The following AGBL4 variants were observed in gnomAD, a reference collection of about 807,000 sequenced individuals.
AGBL4 encodes cytosolic carboxypeptidase 6.
In AGBL4, 58 loss-of-function variants were observed where a neutral mutation model predicts 66.4. That is an observed-to-expected ratio of 0.87 (90% CI 0.71 to 1.09). The LOEUF (loss-of-function observed/expected upper bound fraction) is 1.09. Among genes scored for constraint, AGBL4 ranks in the 50% least tolerant of loss-of-function variants. AGBL4 has a pLI of 0.00. For missense variants in AGBL4, 579 were observed against 631.0 expected (o/e 0.92, Z 0.88); for synonymous variants, 234 against 222.9 (o/e 1.05, Z -0.44).
At chr1:48,817,558 T>A (rs1646210477) in intron 6 of AGBL4, 1 of 156,280 alleles carries the variant, frequency 6.4e-6, no homozygotes, top group Non-Finnish European at 1.4e-5. Flanking sequence ...TTATTAGTAT[T>A]AATCCTGTGG....
At chr1:49,552,674 T>C (rs1386546645) in intron 3 of AGBL4, among the ~76,000 whole-genome samples, 3 of 152,114 alleles carry the variant, frequency 2.0e-5, no homozygotes, top group Admixed American at 2.0e-4. Flanking sequence ...GGTCCTGGAG[T>C]AGCAGTCCGC....
In AGBL4 at chr1:48,533,534, A is replaced by G. The variant is rs1643922995; in HGVS notation, c.*639T>C. Reference sequence around the variant, plus strand: ...TGTCTTTAGAGCTAAAATTTTAATTAAACTACCGAGGAAATTGGGAAACAG... The same window carrying G: ...TGTCTTTAGAGCTAAAATTTTAATTGAACTACCGAGGAAATTGGGAAACAG... On this transcript the variant is annotated 3_prime_UTR_variant, in exon 14 of 14. Coordinates refer to ENST00000371839, the MANE Select transcript of AGBL4 (RefSeq NM_032785.4). 6.5e-6 allele frequency: 1 copy of G among 152,698 alleles called. No individual in the cohort carries two copies. Among genetic ancestry groups the G allele is most frequent in the South Asian group, 2.1e-4 (1 of 4,844 alleles). The allele number at this position is 152,698 out of a possible 1,614,324, so 9.5% of individuals were successfully genotyped here. A position where few individuals can be genotyped will look rare whatever the true frequency, so the allele number is the denominator to read the frequency against.
chr1:48,545,859 A>G (rs1557775605), intron 11 of AGBL4, among the ~76,000 whole-genome samples: 1 of 152,314 alleles, frequency 6.6e-6, no homozygotes, highest in Admixed American at 6.5e-5. Context: ...TTCAACAGGT[A>G]ATGAAGGTTT....
At chr1:49,985,370 C>T (rs1056971910) in intron 1 of AGBL4, among the ~76,000 whole-genome samples, 1 of 151,842 alleles carries the variant, frequency 6.6e-6, no homozygotes, top group African/African-American at 2.4e-5. Context: ...GAAATAAAGG[C>T]CTGAGAAACA....
chr1:49,560,601 G>A (rs945727008), intron 3 of AGBL4, among the ~76,000 whole-genome samples: 4 of 152,080 alleles, frequency 2.6e-5, no homozygotes, highest in South Asian at 2.1e-4. Flanking sequence ...AGATATCAAC[G>A]TCCAAGTACA....
intron 3 of AGBL4, among the ~76,000 whole-genome samples, chr1:49,456,808 G>T (rs529737302): frequency 6.6e-6 from 1 of 151,706 alleles, no homozygotes; most frequent in Non-Finnish European, 1.5e-5. Context: ...CCAATTATGA[G>T]CGAGAACATA....
intron 6 of AGBL4, among the ~76,000 whole-genome samples, chr1:48,839,860 C>A (rs1021765491): frequency 7.2e-5 from 11 of 152,058 alleles, no homozygotes; most frequent in African/African-American, 2.7e-4. Context: ...CACTTAATTG[C>A]GTGTGTATCA....
chr1:49,365,897 G>A (rs555471907), intron 3 of AGBL4, among the ~76,000 whole-genome samples: 10 of 152,160 alleles, frequency 6.6e-5, no homozygotes, highest in Non-Finnish European at 1.0e-4. Context: ...TTGAATGCCT[G>A]TCTGTGAAAT....
chr1:48,819,132 G>A (rs1646255163), intron 6 of AGBL4, among the ~76,000 whole-genome samples: 1 of 152,198 alleles, frequency 6.6e-6, no homozygotes, highest in Admixed American at 6.5e-5. Flanking sequence ...TGGGTGGTCA[G>A]TGAAGGCTTC....
At chr1:48,693,034 G>T (rs1428817491) in intron 6 of AGBL4, among the ~76,000 whole-genome samples, 1 of 152,188 alleles carries the variant, frequency 6.6e-6, no homozygotes, top group Non-Finnish European at 1.5e-5. Flanking sequence ...AAAGATGCAG[G>T]ATTCAATCCT....
Position 48,905,369 on chromosome 1 carries a change from C to T in AGBL4, c.595-38139G>A, listed in dbSNP as rs977219432. ...GCAACAATGTTTGGTAACAAATGTA[C>T]TGCAATGTCTTCAAAACATAGTCAA... On this transcript the variant is annotated intron_variant, in intron 5 of 13. Coordinates refer to ENST00000371839, the MANE Select transcript of AGBL4 (RefSeq NM_032785.4). Among the ~76,000 whole-genome samples, 8 of 152,136 alleles carry T rather than the reference C, an allele frequency of 5.3e-5. No individual in the cohort carries two copies. In the East Asian group the frequency reaches 1.3e-3, roughly 26 times the overall value.
At chr1:48,950,177 A>T (rs1056015844) in intron 5 of AGBL4, among the ~76,000 whole-genome samples, 3 of 150,516 alleles carry the variant, frequency 2.0e-5, no homozygotes, top group African/African-American at 4.9e-5. Flanking sequence ...GCTCACTGCA[A>T]CCTCCGCCTC....
chr1:49,198,093 G>A (rs993664790), intron 4 of AGBL4, among the ~76,000 whole-genome samples: 1 of 151,964 alleles, frequency 6.6e-6, no homozygotes, highest in Non-Finnish European at 1.5e-5. Flanking sequence ...GGGATTGGGA[G>A]GGTCAAGGTG....
At chr1:48,629,231 G>A (rs1001362962) in intron 9 of AGBL4, among the ~76,000 whole-genome samples, 2 of 152,190 alleles carry the variant, frequency 1.3e-5, no homozygotes, top group Non-Finnish European at 2.9e-5. Context: ...ATAGCTGTGA[G>A]AGGAGGGCCC....
rs544695428 is a variant in AGBL4, at chr1:48,770,014, C to G, written c.634+97177G>C. On this transcript the variant is annotated intron_variant, in intron 6 of 13. Coordinates refer to ENST00000371839, the MANE Select transcript of AGBL4 (RefSeq NM_032785.4). Reference sequence around the variant, plus strand: ...AGTGCAGGGTTCCATCCTAAAATACCCCTGACCTGCTTGCCACCTTTAGTG... The same window carrying G: ...AGTGCAGGGTTCCATCCTAAAATACGCCTGACCTGCTTGCCACCTTTAGTG... 3.9e-5 allele frequency among the ~76,000 whole-genome samples: 6 copies of G among 152,200 alleles called. No homozygotes were observed. The South Asian group carries it at 1.2e-3, about 32-fold the overall frequency.
At chr1:49,823,778 A>G (rs1034559412) in intron 2 of AGBL4, among the ~76,000 whole-genome samples, 5 of 147,476 alleles carry the variant, frequency 3.4e-5, no homozygotes, top group African/African-American at 7.6e-5. Context: ...AGGCTGCATA[A>G]TGTGTGTGTG....
At chr1:49,737,854 C>T (rs563227505) in intron 2 of AGBL4, among the ~76,000 whole-genome samples, 2 of 152,280 alleles carry the variant, frequency 1.3e-5, no homozygotes, top group South Asian at 4.1e-4. Context: ...CTTAGATGGC[C>T]GAATAGGAAT....
At chr1:49,238,547 C>T (rs1194690215) in intron 4 of AGBL4, among the ~76,000 whole-genome samples, 1 of 152,188 alleles carries the variant, frequency 6.6e-6, no homozygotes, top group Non-Finnish European at 1.5e-5. Context: ...AATTCATTAC[C>T]ACCCAGCAGA....
intron 1 of AGBL4, among the ~76,000 whole-genome samples, chr1:49,927,734 C>A (rs1025507651): frequency 6.7e-6 from 1 of 150,046 alleles, no homozygotes; most frequent in African/African-American, 2.4e-5. Context: ...TAGAAAATAG[C>A]GTCAACAGGA....
Sources: gnomAD v4.1 joint callset for allele counts (sites outside exome capture counted in the v4.1 genomes callset) on GRCh38, gnomAD v4.1.1 for gene constraint, MANE v1.5 for transcripts, NCBI Gene and HGNC (gene_info 2026-07-23, HGNC 2026-07-21) for gene names.